THSD7B: variants seen among roughly 807,000 people sequenced by gnomAD.
THSD7B encodes thrombospondin type-1 domain-containing protein 7B.
Under a neutral mutation model 213.6 loss-of-function variants are expected in THSD7B, and 138 were observed. The ratio of observed to expected loss-of-function variants is 0.65; its 90% CI spans 0.56 to 0.74. THSD7B has a LOEUF of 0.74. Ranked by LOEUF, THSD7B falls within the 30% of genes least tolerant of loss-of-function variation. The pLI is 0.00. For synonymous variants in THSD7B, 742 were observed against 687.0 expected (o/e 1.08, Z -1.25); for missense variants, 1,931 against 1,991.5 (o/e 0.97, Z 0.58).
chr2:137,621,645 C>T (rs992903344), intron 20 of THSD7B, among the ~76,000 whole-genome samples: 1 of 152,134 alleles, frequency 6.6e-6, no homozygotes, highest in Non-Finnish European at 1.5e-5. Flanking sequence ...TGGCTTAGAA[C>T]AGAACTCTGG....
At chr2:137,472,458 C>G (rs1019301622) in intron 15 of THSD7B, among the ~76,000 whole-genome samples, 2 of 152,004 alleles carry the variant, frequency 1.3e-5, no homozygotes, top group Non-Finnish European at 2.9e-5. Flanking sequence ...CTAAATTGTA[C>G]CTTTATGAAA....
intron 21 of THSD7B, among the ~76,000 whole-genome samples, chr2:137,651,872 CTT>C (rs1683147382): frequency 6.6e-6 from 1 of 151,910 alleles, no homozygotes; most frequent in Non-Finnish European, 1.5e-5. Flanking sequence ...TAAGGTTCCT[CTT>C]GTTATTTATT....
intron 2 of THSD7B, among the ~76,000 whole-genome samples, chr2:137,010,399 T>A (rs1358218766): frequency 6.6e-6 from 1 of 152,258 alleles, no homozygotes; most frequent in Non-Finnish European, 1.5e-5. Flanking sequence ...TTAAGTTCCA[T>A]GACCTGCTAT....
chr2:137,410,720 C>T (rs1686634956), intron 13 of THSD7B, among the ~76,000 whole-genome samples: 1 of 152,106 alleles, frequency 6.6e-6, no homozygotes, highest in Non-Finnish European at 1.5e-5. Flanking sequence ...TCAGAAAAGC[C>T]ATAAACACAA....
intron 12 of THSD7B, among the ~76,000 whole-genome samples, chr2:137,324,838 A>G (rs984920044): frequency 6.6e-6 from 1 of 152,128 alleles, no homozygotes; most frequent in Non-Finnish European, 1.5e-5. Context: ...ACAAAATCGA[A>G]CTCCATATTA....
In THSD7B at chr2:137,367,247, A is replaced by G. The variant is rs183972115; in HGVS notation, c.2501-38366A>G. Among the ~76,000 whole-genome samples the G allele has an allele frequency of 1.1e-3, 165 of 152,258 alleles. 1 individual carries two copies. Among genetic ancestry groups the G allele is most frequent in the African/African-American group, 3.4e-3 (143 of 41,554 alleles). ...AGCAAGAGATCTGGATTCCAGACAC[A>G]TTTCTCATTTCAATTACTTGCCTTA... On this transcript the variant is annotated intron_variant, in intron 12 of 27. Coordinates refer to ENST00000409968, the MANE Select transcript of THSD7B (RefSeq NM_001316349.2).
intron 15 of THSD7B, among the ~76,000 whole-genome samples, chr2:137,514,883 G>A (rs145818606): frequency 9.5e-4 from 144 of 152,304 alleles, no homozygotes; most frequent in African/African-American, 3.3e-3. Context: ...AATGAAGTTG[G>A]TTGGTTGCTC....
intron 15 of THSD7B, among the ~76,000 whole-genome samples, chr2:137,554,850 T>G (rs1228609659): frequency 2.0e-5 from 3 of 152,134 alleles, no homozygotes; most frequent in Non-Finnish European, 1.5e-5. Flanking sequence ...ACTCCCACCT[T>G]AATACTGCAC....
intron 14 of THSD7B, among the ~76,000 whole-genome samples, chr2:137,419,222 A>T (rs1056244535): frequency 4.6e-5 from 7 of 151,102 alleles, no homozygotes; most frequent in African/African-American, 1.7e-4. Flanking sequence ...CACATTTTTG[A>T]TGCAGGATTT....
chr2:137,439,729 T>G lies in THSD7B; in HGVS notation c.2960-11116T>G, dbSNP rs563784970. 2.1e-4 allele frequency among the ~76,000 whole-genome samples: 32 copies of G among 152,258 alleles called. 1 individual carries two copies. The South Asian group carries it at 2.9e-3, about 14-fold the overall frequency. On this transcript the variant is annotated intron_variant, in intron 14 of 27. Coordinates refer to ENST00000409968, the MANE Select transcript of THSD7B (RefSeq NM_001316349.2). ...TGTGAATTCATTCTTGTACATTGAT[T>G]TCTGCATTAGCTCCGTGAAAGGTAC...
rs1352907018 is a variant in THSD7B at position 137,394,631 on chromosome 2, C to A, written c.2501-10982C>A. ...GCTTTGTTCTTTTGGCTTAGGATTG[C>A]CTTGGCGATGCGGGCTCTTTTTTGG... On this transcript the variant is annotated intron_variant, in intron 12 of 27. Transcript: ENST00000409968. Among the ~76,000 whole-genome samples the A allele has an allele frequency of 3.1e-3, 423 of 136,836 alleles. 21 individuals carry two copies. Among genetic ancestry groups the A allele is most frequent in the African/African-American group, 0.011 (400 of 36,590 alleles). 89.8% of individuals were successfully genotyped at this position (136,836 alleles called of 152,430 possible).
intron 7 of THSD7B, among the ~76,000 whole-genome samples, chr2:137,179,910 A>G (rs1275235268): frequency 6.6e-6 from 1 of 152,072 alleles, no homozygotes; most frequent in Admixed American, 6.6e-5. Context: ...TTCAAGAAAC[A>G]TTTTCTTCAC....
intron 6 of THSD7B, among the ~76,000 whole-genome samples, chr2:137,164,235 A>G (rs939302814): frequency 1.3e-5 from 2 of 152,094 alleles, no homozygotes; most frequent in Admixed American, 1.3e-4. Flanking sequence ...TTTTGCCCCA[A>G]TCAATACTTT....
chr2:137,095,499 C>T (rs901261455), intron 4 of THSD7B, among the ~76,000 whole-genome samples: 11 of 152,132 alleles, frequency 7.2e-5, no homozygotes, highest in Non-Finnish European at 1.6e-4. Context: ...ATGGCATCTC[C>T]ATTTTACAAA....
intron 15 of THSD7B, among the ~76,000 whole-genome samples, chr2:137,481,238 A>G (rs549157007): frequency 5.9e-5 from 9 of 152,252 alleles, no homozygotes; most frequent in East Asian, 1.9e-4. Context: ...ACTTATGCAT[A>G]CAACTCTTAG....
At chr2:136,822,789 A>G (rs1480092523) in intron 1 of THSD7B, among the ~76,000 whole-genome samples, 1 of 152,202 alleles carries the variant, frequency 6.6e-6, no homozygotes, top group Non-Finnish European at 1.5e-5. Context: ...TCCTACCTGC[A>G]TTCATCATGA....
At chr2:136,820,537 T>C (rs927934651) in intron 1 of THSD7B, among the ~76,000 whole-genome samples, 1 of 152,158 alleles carries the variant, frequency 6.6e-6, no homozygotes, top group Non-Finnish European at 1.5e-5. Context: ...TCAAGAACAC[T>C]GATACTACAA....
intron 5 of THSD7B, among the ~76,000 whole-genome samples, chr2:137,156,417 A>G (rs1679909979): frequency 6.6e-6 from 1 of 152,164 alleles, no homozygotes; most frequent in African/African-American, 2.4e-5. Flanking sequence ...ACTTTGATAA[A>G]TGGTCTCTCT....
At chr2:137,126,427 C>G (rs1301754086) in intron 5 of THSD7B, among the ~76,000 whole-genome samples, 2 of 152,278 alleles carry the variant, frequency 1.3e-5, no homozygotes, top group East Asian at 1.9e-4. Context: ...TAGGAACCAA[C>G]CTCTGCTAGC....
Sources: allele counts gnomAD v4.1 joint callset (sites outside exome capture counted in the v4.1 genomes callset), GRCh38; gene constraint gnomAD v4.1.1; transcripts MANE v1.5; gene names NCBI Gene and HGNC (gene_info 2026-07-23, HGNC 2026-07-21).